TRAPPC10: variants seen among roughly 807,000 people sequenced by gnomAD.
The protein encoded by TRAPPC10 is trafficking protein particle complex subunit 10.
A neutral mutation model predicts 125.5 loss-of-function variants in TRAPPC10; 23 were observed. The ratio of observed to expected loss-of-function variants is 0.18; its 90% CI spans 0.13 to 0.26. The LOEUF (loss-of-function observed/expected upper bound fraction) is 0.26. TRAPPC10 is among the 10% of genes least tolerant of loss of function. TRAPPC10 has a pLI of 1.00. For missense variants in TRAPPC10, 1,123 were observed against 1,308.4 expected, an observed-to-expected ratio of 0.86 and a Z score of 2.19; for synonymous variants, 509 against 518.0, an observed-to-expected ratio of 0.98 and a Z score of 0.24.
At chr21:44,051,873 G>T (rs1460439691) in intron 3 of TRAPPC10, among the ~76,000 whole-genome samples, 1 of 152,216 alleles carries the variant, frequency 6.6e-6, no homozygotes, top group Non-Finnish European at 1.5e-5. Flanking sequence ...CTCCTGAGAT[G>T]AAGGCACGGC....
chr21:44,084,012 G>A, intron 14 of TRAPPC10, 110 bp from the exon 15 acceptor site: 1 of 1,282,642 alleles, frequency 7.8e-7, no homozygotes, highest in Non-Finnish European at 1.1e-6. Context: ...AAGAGGGAAA[G>A]AAGTACAGGC....
intron 2 of TRAPPC10, among the ~76,000 whole-genome samples, chr21:44,035,760 A>G (rs901728046): frequency 2.0e-5 from 3 of 152,226 alleles, no homozygotes; most frequent in Non-Finnish European, 2.9e-5. Context: ...CTGGGTGACA[A>G]GAGCAAAACT....
chr21:44,052,536 G>C (rs1341421977), intron 4 of TRAPPC10, 60 bp downstream of exon 4: 1 of 1,469,180 alleles, frequency 6.8e-7, no homozygotes, highest in Non-Finnish European at 9.2e-7. Flanking sequence ...CAGATTGCTG[G>C]CTTCCTGGGT....
intron 7 of TRAPPC10, among the ~76,000 whole-genome samples, chr21:44,073,838 C>G (rs141921865): frequency 1.3e-5 from 2 of 152,270 alleles, no homozygotes; most frequent in East Asian, 3.9e-4. Context: ...TCAGTTTCTG[C>G]TGTTGAACGT....
chr21:44,041,198 C>CTT (rs533513322), intron 3 of TRAPPC10, among the ~76,000 whole-genome samples: 100 of 152,220 alleles, frequency 6.6e-4, no homozygotes, highest in African/African-American at 2.2e-3. Context: ...TACCTGGTCT[C>CTT]TAAGGTTTGG....
intron 19 of TRAPPC10, among the ~76,000 whole-genome samples, chr21:44,093,382 G>A (rs2038714902): frequency 6.6e-6 from 1 of 152,026 alleles, no homozygotes; most frequent in Non-Finnish European, 1.5e-5. Context: ...TTGAACCTGG[G>A]AGGTTGGGCT....
chr21:44,012,417 G>GGGCTCC lies in TRAPPC10; in HGVS notation c.-72_-67dup, dbSNP rs1383292145. ...CGGGCGGGCGGCGCCGCTCAGGCTCGGGCTCCGGCTGGGCCCGGCGCGGCC... is the reference window on the plus strand; with the variant it reads ...CGGGCGGGCGGCGCCGCTCAGGCTCGGGCTCCGGCTCCGGCTGGGCCCGGCGCGGCC... On this transcript the variant is annotated 5_prime_UTR_variant, in exon 1 of 23. Transcript: ENST00000291574. 2.1e-6 allele frequency: 2 copies of GGGCTCC among 948,750 alleles called. No individual in the cohort carries two copies. The highest frequency in any genetic ancestry group is 2.6e-6 in the Non-Finnish European group (2 of 777,992). The allele number at this position is 948,750 out of a possible 1,614,324, so 58.8% of individuals were successfully genotyped here.
chr21:44,062,793 C>A (rs561780409), intron 6 of TRAPPC10: 30 of 985,300 alleles, frequency 3.0e-5, no homozygotes, highest in Non-Finnish European at 3.4e-5. Flanking sequence ...GTGAAGGGAG[C>A]GTTTAACCAT....
At chr21:44,016,438 G>GA (rs1002532949) in intron 1 of TRAPPC10, among the ~76,000 whole-genome samples, 1 of 152,122 alleles carries the variant, frequency 6.6e-6, no homozygotes, top group African/African-American at 2.4e-5. Context: ...GCTTGGAATT[G>GA]AATTTCTCTG....
chr21:44,055,339 C>T (rs1394237500), intron 4 of TRAPPC10, among the ~76,000 whole-genome samples: 2 of 152,042 alleles, frequency 1.3e-5, no homozygotes, highest in African/African-American at 4.8e-5. Context: ...CCTATAATCC[C>T]AGCACTTTGA....
rs187253815 is a variant in TRAPPC10, at chr21:44,039,067, A to T, written c.285+1140A>T. Among the ~76,000 whole-genome samples the T allele has an allele frequency of 2.0e-5, 3 of 152,080 alleles. No individual in the cohort carries two copies. In the East Asian group the frequency reaches 5.8e-4, roughly 30 times the overall value. ...CCTGGTTGTAATGTTCGATTTGATC[A>T]CTCCTCCAGGAGTTGTCCGGTTCCT... is the stretch of plus-strand genomic sequence containing the variant. On this transcript the variant is annotated intron_variant, in intron 3 of 22. Coordinates refer to ENST00000291574, the MANE Select transcript of TRAPPC10 (RefSeq NM_003274.5).
At chr21:44,084,357 T>C in intron 15 of TRAPPC10, 94 bp downstream of exon 15, 1 of 1,299,898 alleles carries the variant, frequency 7.7e-7, no homozygotes, top group South Asian at 1.5e-5. Flanking sequence ...GTTTTAGCTG[T>C]GTCTGCCTTT....
intron 3 of TRAPPC10, 141 bp from the exon 4 acceptor site, chr21:44,052,139 C>T: frequency 1.4e-6 from 1 of 701,836 alleles, no homozygotes; most frequent in Non-Finnish European, 2.3e-6. Flanking sequence ...GGCCGCTGGG[C>T]TTTTTATTCA....
chr21:44,080,269 T>G, intron 13 of TRAPPC10, 142 bp downstream of exon 13: 1 of 705,634 alleles, frequency 1.4e-6, no homozygotes, highest in Non-Finnish European at 2.3e-6. Flanking sequence ...GTCTTTCACC[T>G]GACTTTTTTT....
chr21:44,066,176 T>A (rs1247340593), intron 7 of TRAPPC10, among the ~76,000 whole-genome samples: 1 of 152,244 alleles, frequency 6.6e-6, no homozygotes, highest in Non-Finnish European at 1.5e-5. Flanking sequence ...CCTGCTAACA[T>A]CCTGGTTGCT....
In TRAPPC10 at chr21:44,059,505, A is replaced by G. The variant is rs753301002; in HGVS notation, c.790+291A>G. 4 of 756,904 alleles carry G rather than the reference A, an allele frequency of 5.3e-6. No homozygotes were observed. Among genetic ancestry groups the G allele is most frequent in the Non-Finnish European group, 9.9e-6 (4 of 405,354 alleles). The allele number at this position is 756,904 out of a possible 1,614,324, so 46.9% of individuals were successfully genotyped here. A position where few individuals can be genotyped will look rare whatever the true frequency, so the allele number is the denominator to read the frequency against. ...TCCACAACTCAGTGGCCTGCTGGTGATGCTTCGATTCTGTCCCTCGTTAGA... is the reference window on the plus strand; with the variant it reads ...TCCACAACTCAGTGGCCTGCTGGTGGTGCTTCGATTCTGTCCCTCGTTAGA... On this transcript the variant is annotated intron_variant, in intron 6 of 22. Transcript: ENST00000291574. The surrounding 1 kb of genome is among the most constrained non-coding windows in gnomAD (Gnocchi z 4.4).
chr21:44,075,434 C>T (rs2037204107), intron 9 of TRAPPC10, among the ~76,000 whole-genome samples: 1 of 152,016 alleles, frequency 6.6e-6, no homozygotes, highest in Non-Finnish European at 1.5e-5. Context: ...TCAAATGCAC[C>T]ACTGTCTCTC....
At chr21:44,017,669 G>A (rs1197293682) in intron 1 of TRAPPC10, among the ~76,000 whole-genome samples, 2 of 151,688 alleles carry the variant, frequency 1.3e-5, no homozygotes, top group Non-Finnish European at 2.9e-5. Context: ...TACGTGGGGG[G>A]CAGGCCCTGC....
chr21:44,086,524 A>G (rs955613846), intron 15 of TRAPPC10, among the ~76,000 whole-genome samples: 4 of 152,202 alleles, frequency 2.6e-5, no homozygotes, highest in African/African-American at 4.8e-5. Flanking sequence ...CGTAGTCATG[A>G]TCATAATCCC....
Sources: allele counts gnomAD v4.1 joint callset (sites outside exome capture counted in the v4.1 genomes callset), GRCh38; gene constraint gnomAD v4.1.1; non-coding constraint Gnocchi (gnomAD v3.1); transcripts MANE v1.5; gene names NCBI Gene and HGNC (gene_info 2026-07-23, HGNC 2026-07-21).